The following VGLL4 variants were observed in gnomAD, a reference collection of about 807,000 sequenced individuals.
The protein encoded by VGLL4 is vestigial like family member 4.
In VGLL4, 7 loss-of-function variants were observed where a neutral mutation model predicts 21.0. The observed-to-expected ratio is 0.33, with a 90% confidence interval of 0.19 to 0.63. The LOEUF (loss-of-function observed/expected upper bound fraction) is 0.63, where lower values mean the gene tolerates loss of function less well. Ranked by LOEUF, VGLL4 falls within the 20% of genes least tolerant of loss-of-function variation. VGLL4 has a pLI of 0.78. For missense variants in VGLL4, 394 were observed against 425.7 expected (o/e 0.93, Z 0.66); for synonymous variants, 222 against 173.2 (o/e 1.28, Z -2.21).
intron 1 of VGLL4, among the ~76,000 whole-genome samples, chr3:11,615,860 G>T (rs1411838556): frequency 6.6e-6 from 1 of 152,184 alleles, no homozygotes; most frequent in Non-Finnish European, 1.5e-5. Flanking sequence ...ACTCTGCCTG[G>T]AATAAAGCAG....
intron 2 of VGLL4, among the ~76,000 whole-genome samples, chr3:11,695,646 G>A (rs1351295289): frequency 6.6e-6 from 1 of 152,110 alleles, no homozygotes; most frequent in Non-Finnish European, 1.5e-5. Context: ...GTTCCCCTAG[G>A]AGGATCATTA....
chr3:11,573,560 C>G (rs2073941523), intron 2 of VGLL4, among the ~76,000 whole-genome samples: 1 of 152,196 alleles, frequency 6.6e-6, no homozygotes, highest in South Asian at 2.1e-4. Flanking sequence ...GTCCCTCCGA[C>G]GGCCATGGCT....
intron 1 of VGLL4, among the ~76,000 whole-genome samples, chr3:11,621,270 A>G (rs988264635): frequency 3.3e-5 from 5 of 152,156 alleles, no homozygotes; most frequent in African/African-American, 4.8e-5. Flanking sequence ...CCATGATCTA[A>G]TTTTAGGACA....
chr3:11,706,932 A>G (rs1559956025), intron 1 of VGLL4, among the ~76,000 whole-genome samples: 1 of 152,166 alleles, frequency 6.6e-6, no homozygotes, highest in Non-Finnish European at 1.5e-5. Context: ...GCTGGCCTTC[A>G]GGTTGATACT....
intron 2 of VGLL4, among the ~76,000 whole-genome samples, chr3:11,674,514 G>A (rs1455178912): frequency 6.6e-6 from 1 of 152,134 alleles, no homozygotes; most frequent in Non-Finnish European, 1.5e-5. Flanking sequence ...TTTTAAAGAT[G>A]GGGAAAGAGT....
At chr3:11,580,107 C>T (rs4684074) in intron 2 of VGLL4, among the ~76,000 whole-genome samples, 67,241 of 151,992 alleles carry the variant, frequency 0.44, 17,105 homozygotes, top group Non-Finnish European at 0.6. Context: ...TGCCGCCAAC[C>T]GCACCATCCG....
chr3:11,644,009 A>G (rs1421799051), upstream of VGLL4: 5 of 988,220 alleles, frequency 5.1e-6, no homozygotes, highest in African/African-American at 7.0e-5. Context: ...GGGCTTCTGC[A>G]CAGGATCAGC....
At chr3:11,650,999 C>T (rs377572519) in intron 2 of VGLL4, among the ~76,000 whole-genome samples, 103 of 152,126 alleles carry the variant, frequency 6.8e-4, no homozygotes, top group African/African-American at 2.4e-3. Context: ...ATTTTTGCTT[C>T]GTAATCTACT....
intron 1 of VGLL4, among the ~76,000 whole-genome samples, chr3:11,704,585 G>A (rs943281965): frequency 2.6e-5 from 4 of 151,876 alleles, no homozygotes; most frequent in African/African-American, 4.8e-5. Flanking sequence ...CTAGTTTAAG[G>A]CAGCATTCTT....
intron 2 of VGLL4, among the ~76,000 whole-genome samples, chr3:11,680,592 T>C (rs980863477): frequency 5.3e-5 from 8 of 152,124 alleles, no homozygotes; most frequent in Admixed American, 1.3e-4. Flanking sequence ...AACGTCTCAG[T>C]GCACACCATT....
rs573267760 is a variant in VGLL4, at chr3:11,576,483, C to CT, written c.273-11465dup. 9.9e-5 allele frequency among the ~76,000 whole-genome samples: 15 copies of CT among 150,980 alleles called. No homozygotes were observed. The East Asian group carries it at 2.9e-3, about 29-fold the overall frequency. ...ACAGAAGGGATGAAAAACACTCTAT[C>CT]TTTCCTTCCTCACTGAGCTGCAGTG... On this transcript the variant is annotated intron_variant, in intron 2 of 4. Coordinates refer to ENST00000430365, the MANE Select transcript of VGLL4 (RefSeq NM_001128219.3).
At chr3:11,705,937 A>G (rs1250294991) in intron 1 of VGLL4, among the ~76,000 whole-genome samples, 1 of 149,834 alleles carries the variant, frequency 6.7e-6, no homozygotes, top group Admixed American at 6.6e-5. Flanking sequence ...AAAAAAAAAA[A>G]GATCTTGTGA....
At chr3:11,624,217 T>C (rs565957470) in intron 1 of VGLL4, among the ~76,000 whole-genome samples, 1 of 152,320 alleles carries the variant, frequency 6.6e-6, no homozygotes, top group East Asian at 1.9e-4. Flanking sequence ...CCCCACGATA[T>C]GTCATTTTAG....
chr3:11,577,204 T>C (rs2074079420), intron 2 of VGLL4, among the ~76,000 whole-genome samples: 1 of 152,248 alleles, frequency 6.6e-6, no homozygotes. Context: ...TCTCTCGTTC[T>C]TGCGACTGGC....
chr3:11,665,711 G>C (rs961834884), intron 2 of VGLL4, among the ~76,000 whole-genome samples: 6 of 152,236 alleles, frequency 3.9e-5, no homozygotes, highest in Admixed American at 1.3e-4. Context: ...TATATTTACT[G>C]ATCACCTCCC....
chr3:11,640,491 A>T (rs1376232456), intron 1 of VGLL4, among the ~76,000 whole-genome samples: 1 of 152,216 alleles, frequency 6.6e-6, no homozygotes, highest in Non-Finnish European at 1.5e-5. Flanking sequence ...TTCTGAACAC[A>T]TAGCACAAGC....
At chr3:11,620,499 G>A (rs551206846) in intron 1 of VGLL4, among the ~76,000 whole-genome samples, 1 of 152,110 alleles carries the variant, frequency 6.6e-6, no homozygotes, top group South Asian at 2.1e-4. Context: ...CCCCAGGGCC[G>A]CTAAAGTAAA....
At chr3:11,705,779 A>G (rs560672198) in intron 1 of VGLL4, among the ~76,000 whole-genome samples, 1 of 152,332 alleles carries the variant, frequency 6.6e-6, no homozygotes, top group East Asian at 1.9e-4. Flanking sequence ...AAAATTAGCC[A>G]GGCGCGGTGG....
At chr3:11,564,006 G>A (rs1370516224) in intron 3 of VGLL4, among the ~76,000 whole-genome samples, 1 of 152,194 alleles carries the variant, frequency 6.6e-6, no homozygotes, top group East Asian at 1.9e-4. Flanking sequence ...AATGCACAGA[G>A]CCCGGAGGCA....
Sources: gnomAD v4.1 joint callset for allele counts (sites outside exome capture counted in the v4.1 genomes callset) on GRCh38, gnomAD v4.1.1 for gene constraint, MANE v1.5 for transcripts, NCBI Gene and HGNC (gene_info 2026-07-23, HGNC 2026-07-21) for gene names.